Variants in PMFBP1 observed in about 807,000 individuals in gnomAD.
The protein encoded by PMFBP1 is polyamine modulated factor 1 binding protein 1, also known as polyamine-modulated factor 1-binding protein 1.
A neutral mutation model predicts 137.8 loss-of-function variants in PMFBP1; 131 were observed. The observed-to-expected ratio is 0.95, with a 90% CI of 0.82 to 1.10. The LOEUF (loss-of-function observed/expected upper bound fraction) is 1.10. PMFBP1 is among the 50% of genes least tolerant of loss of function. PMFBP1 has a pLI of 0.00. For missense variants in PMFBP1, 1,199 were observed against 1,175.4 expected, an observed-to-expected ratio of 1.02 and a Z score of -0.29; for synonymous variants, 490 against 450.4, an observed-to-expected ratio of 1.09 and a Z score of -1.11.
rs765489875 is a variant in PMFBP1 at position 72,130,251 on chromosome 16, T to C, written c.1744A>G (p.Met582Val). 6.2e-7 allele frequency: 1 copy of C among 1,614,142 alleles called. No homozygotes were observed. Among genetic ancestry groups the C allele is most frequent in the Non-Finnish European group, 8.5e-7 (1 of 1,180,036 alleles). ...QLQKTVAEQD[M>V]KMNDMLDRIK... is the part of the protein sequence containing the mutation. ...CGATCAAGCATGTCATTCATTTTCA[T>C]ATCCTGCTCAGCCACTGTCTTCTGA... Residue 582 changes from methionine (M) to valine (V), a missense_variant, in exon 12 of 21, where the codon ATG (methionine) becomes GTG (valine). Met to Val is a conservative substitution (Grantham distance 21). Coordinates refer to ENST00000237353, the MANE Select transcript of PMFBP1 (RefSeq NM_031293.3).
At chr16:72,155,148 C>A (rs1052693888) in intron 3 of PMFBP1, among the ~76,000 whole-genome samples, 4 of 152,144 alleles carry the variant, frequency 2.6e-5, no homozygotes, top group African/African-American at 7.2e-5. Context: ...CAGACACAGG[C>A]TAAGCACCTA....
intron 5 of PMFBP1, among the ~76,000 whole-genome samples, chr16:72,141,004 G>A (rs146774789): frequency 7.9e-6 from 1 of 127,088 alleles, no homozygotes; most frequent in East Asian, 2.2e-4. Context: ...GCACTATCCT[G>A]GTTCACTGCA....
the PMFBP1 span, among the ~76,000 whole-genome samples, chr16:72,231,523 AT>A: frequency 6.6e-6 from 1 of 152,188 alleles, no homozygotes; most frequent in South Asian, 2.1e-4. Flanking sequence ...TAAGGCAAAC[AT>A]GACTAGCAAA....
At chr16:72,167,873 A>G (rs909105731) in intron 2 of PMFBP1, among the ~76,000 whole-genome samples, 9 of 152,228 alleles carry the variant, frequency 5.9e-5, no homozygotes, top group Non-Finnish European at 8.8e-5. Flanking sequence ...CAAAATGCCA[A>G]CGATACACAC....
intron 12 of PMFBP1, among the ~76,000 whole-genome samples, 170 bp downstream of exon 12, chr16:72,130,043 C>T (rs2042524224): frequency 6.7e-6 from 1 of 148,248 alleles, no homozygotes; most frequent in Admixed American, 6.7e-5. Flanking sequence ...TTTTGTAAGG[C>T]AGGGTCTTGC....
chr16:72,224,270 C>T, the PMFBP1 span, among the ~76,000 whole-genome samples: 1 of 152,138 alleles, frequency 6.6e-6, no homozygotes, highest in South Asian at 2.1e-4. Flanking sequence ...CCTAGTTTGG[C>T]TCTTTCTTGT....
the PMFBP1 span, among the ~76,000 whole-genome samples, chr16:72,245,577 G>C: frequency 2.6e-5 from 4 of 152,196 alleles, no homozygotes; most frequent in Non-Finnish European, 5.9e-5. Context: ...AGACCCTACA[G>C]AGACATGTTT....
rs759566613 is a variant in PMFBP1, at chr16:72,132,996, A to G, written c.1204-5T>C. 9 of 1,613,866 alleles carry G rather than the reference A, an allele frequency of 5.6e-6. No homozygotes were observed. In the Admixed American group the frequency reaches 1.0e-4, roughly 18 times the overall value. ...CTCATCTTTCTCTTGGAGGAACTGA[A>G]GACAGCAAAATGCAAATGCTGGGAA... On this transcript the variant is annotated splice_polypyrimidine_tract_variant and splice_region_variant and intron_variant, in intron 9 of 20. Transcript: ENST00000237353.
the PMFBP1 span, among the ~76,000 whole-genome samples, chr16:72,206,755 C>T: frequency 3.9e-5 from 6 of 152,182 alleles, no homozygotes; most frequent in Non-Finnish European, 5.9e-5. Context: ...AACGTGCCAA[C>T]GATTACCGTA....
At chr16:72,195,102 G>T in the PMFBP1 span, among the ~76,000 whole-genome samples, 2 of 152,188 alleles carry the variant, frequency 1.3e-5, no homozygotes, top group African/African-American at 2.4e-5. Flanking sequence ...CTTGCCCCAG[G>T]GAGTGCACTT....
At chr16:72,150,279 A>G (rs1466007952) in intron 5 of PMFBP1, among the ~76,000 whole-genome samples, 1 of 152,168 alleles carries the variant, frequency 6.6e-6, no homozygotes, top group African/African-American at 2.4e-5. Context: ...GGTTGGGCAG[A>G]GGGAGATGAG....
At chr16:72,185,108 C>T in the PMFBP1 span, among the ~76,000 whole-genome samples, 1 of 151,908 alleles carries the variant, frequency 6.6e-6, no homozygotes, top group Non-Finnish European at 1.5e-5. Context: ...ACTGCAACCT[C>T]TGCCTCCCAG....
chr16:72,164,241 A>AG (rs2043109288), intron 3 of PMFBP1: 1 of 402,842 alleles, frequency 2.5e-6, no homozygotes, highest in Non-Finnish European at 4.7e-6. Context: ...GGTTGCTTCT[A>AG]GGGGCATTAA....
intron 2 of PMFBP1, among the ~76,000 whole-genome samples, chr16:72,167,548 G>C (rs1344478646): frequency 6.6e-6 from 1 of 152,112 alleles, no homozygotes; most frequent in African/African-American, 2.4e-5. Context: ...TTCTAACTTG[G>C]AAACAAAATC....
At chr16:72,239,995 G>A in the PMFBP1 span, among the ~76,000 whole-genome samples, 3 of 151,916 alleles carry the variant, frequency 2.0e-5, no homozygotes, top group East Asian at 5.8e-4. Flanking sequence ...ATACTCGAGG[G>A]TTTAGGGGTT....
At chr16:72,135,376 T>TTG (rs1567626228) in intron 9 of PMFBP1, among the ~76,000 whole-genome samples, 1 of 148,134 alleles carries the variant, frequency 6.8e-6, no homozygotes, top group Non-Finnish European at 1.5e-5. Flanking sequence ...TTTTTTTTTT[T>TTG]TTGTTGTTGT....
rs563803120 is a variant in PMFBP1 at position 72,147,491 on chromosome 16, T to C, written c.636+3117A>G. Reference sequence around the variant, plus strand: ...AAAGACTTCATGACTAAAACACCAATAGCAATGGCAACTAAAGCCAAAATA... The same window carrying C: ...AAAGACTTCATGACTAAAACACCAACAGCAATGGCAACTAAAGCCAAAATA... On this transcript the variant is annotated intron_variant, in intron 5 of 20. Transcript: ENST00000237353. Among the ~76,000 whole-genome samples, 321 of 152,106 alleles carry C rather than the reference T, an allele frequency of 2.1e-3. 2 individuals carry two copies. Among genetic ancestry groups the C allele is most frequent in the African/African-American group, 7.3e-3 (305 of 41,500 alleles).
intron 1 of PMFBP1, 26 bp from the exon 2 acceptor site, chr16:72,171,294 G>A: frequency 3.5e-6 from 5 of 1,446,862 alleles, no homozygotes; most frequent in Non-Finnish European, 4.8e-6. Context: ...TATTTAAGAT[G>A]GAAAAAGTAT....
rs754794928 is a variant in PMFBP1 at position 72,165,701 on chromosome 16, A to G, written c.13-785T>C. ...CCAAAGTGCTGGGATTACAGGCATG[A>G]GCCACCGTGCCTGGCCAACCCAGTG... On this transcript the variant is annotated intron_variant, in intron 2 of 20. Coordinates refer to ENST00000237353, the MANE Select transcript of PMFBP1 (RefSeq NM_031293.3). Among the ~76,000 whole-genome samples the G allele has an allele frequency of 1.8e-4, 28 of 152,300 alleles. 1 individual carries two copies. The highest frequency in any genetic ancestry group is 6.3e-4 in the African/African-American group (26 of 41,570).
Sources: gnomAD v4.1 joint callset for allele counts (sites outside exome capture counted in the v4.1 genomes callset) on GRCh38, gnomAD v4.1.1 for gene constraint, MANE v1.5 for transcripts, NCBI Gene and HGNC (gene_info 2026-07-23, HGNC 2026-07-21) for gene names.